Variants in TIAM1 observed in about 807,000 individuals in gnomAD.
The protein encoded by TIAM1 is TIAM Rac1 associated GEF 1, also known as rho guanine nucleotide exchange factor TIAM1.
A neutral mutation model predicts 163.5 loss-of-function variants in TIAM1; 65 were observed. That is an observed-to-expected ratio of 0.40 (90% CI 0.33 to 0.49). TIAM1 has a LOEUF of 0.49. Ranked by LOEUF, TIAM1 falls within the 20% of genes least tolerant of loss-of-function variation. The pLI is 0.77. For missense variants in TIAM1, 1,789 were observed against 2,044.7 expected, an observed-to-expected ratio of 0.87 and a Z score of 2.41; for synonymous variants, 833 against 810.1, an observed-to-expected ratio of 1.03 and a Z score of -0.48.
chr21:31,492,104 G>A (rs1013411758), intron 1 of TIAM1, among the ~76,000 whole-genome samples: 2 of 152,166 alleles, frequency 1.3e-5, no homozygotes, highest in East Asian at 1.9e-4. Flanking sequence ...GCATACGTAT[G>A]TGTATATGAA....
At chr21:31,537,652 T>A (rs1483895165) in intron 1 of TIAM1, among the ~76,000 whole-genome samples, 1 of 151,828 alleles carries the variant, frequency 6.6e-6, no homozygotes, top group Non-Finnish European at 1.5e-5. Flanking sequence ...CTTGAAAGGC[T>A]GAGACACAAG....
At chr21:31,394,750 ACACAC>A (rs2077032741) in intron 2 of TIAM1, among the ~76,000 whole-genome samples, 2 of 151,102 alleles carry the variant, frequency 1.3e-5, no homozygotes, top group African/African-American at 4.9e-5. Flanking sequence ...ACACACACAC[ACACAC>A]ACACACACAC....
rs187734868 is a variant in TIAM1 at position 31,193,461 on chromosome 21, G to A, written c.2575+1763C>T. 2.3e-3 allele frequency among the ~76,000 whole-genome samples: 352 copies of A among 152,284 alleles called. 1 individual carries two copies. The highest frequency in any genetic ancestry group is 4.3e-3 in the Non-Finnish European group (294 of 68,022). On this transcript the variant is annotated intron_variant, in intron 13 of 27. Transcript: ENST00000541036. ...CTCTCTAACCACCTTCCCTAGGAGA[G>A]AGCATTTCTCAGGTGTCCTCACAAC...
chr21:31,265,879 C>T, intron 4 of TIAM1, 131 bp downstream of exon 4: 2 of 1,280,876 alleles, frequency 1.6e-6, no homozygotes, highest in East Asian at 2.4e-5. Flanking sequence ...AAAACAGCAC[C>T]AGCTGCAGCA....
At chr21:31,537,849 G>A (rs1232315504) in intron 1 of TIAM1, among the ~76,000 whole-genome samples, 1 of 152,138 alleles carries the variant, frequency 6.6e-6, no homozygotes, top group Admixed American at 6.5e-5. Flanking sequence ...TGCTCTATGT[G>A]TACTTCATTA....
chr21:31,240,891 C>T (rs2071134887), intron 6 of TIAM1, among the ~76,000 whole-genome samples: 1 of 152,168 alleles, frequency 6.6e-6, no homozygotes, highest in African/African-American at 2.4e-5. Context: ...CCCACCTAAT[C>T]TCATCTTCAA....
chr21:31,295,198 C>T (rs115520952), intron 2 of TIAM1, among the ~76,000 whole-genome samples: 3,647 of 152,238 alleles, frequency 0.024, 133 homozygotes, highest in African/African-American at 0.076. Context: ...GGGCCAGGTG[C>T]GGTGGCTTAC....
intron 13 of TIAM1, among the ~76,000 whole-genome samples, chr21:31,189,739 C>T (rs2085465869): frequency 6.6e-6 from 1 of 151,980 alleles, no homozygotes; most frequent in South Asian, 2.1e-4. Flanking sequence ...TGAGCGGCTT[C>T]CATTTAAAGA....
chr21:31,136,334 T>A lies in TIAM1; in HGVS notation c.3775-293A>T, dbSNP rs118016962. ...CACCAAAATGACAGACTACATTTTT[T>A]AAAAATATTTTCGATTTGTGACTGT... On this transcript the variant is annotated intron_variant, in intron 22 of 27. Coordinates refer to ENST00000541036, the MANE Select transcript of TIAM1 (RefSeq NM_001353694.2). 7.7e-4 allele frequency among the ~76,000 whole-genome samples: 117 copies of A among 152,292 alleles called. No individual in the cohort carries two copies. The East Asian group carries it at 0.019, about 25-fold the overall frequency.
At chr21:31,174,311 T>G (rs727551) in intron 15 of TIAM1, among the ~76,000 whole-genome samples, 5,398 of 152,284 alleles carry the variant, frequency 0.035, 322 homozygotes, top group African/African-American at 0.12. Context: ...GCAATTCCTC[T>G]CTCTGAAGCA....
chr21:31,139,295 G>A (rs765217369), intron 22 of TIAM1, among the ~76,000 whole-genome samples: 5 of 152,062 alleles, frequency 3.3e-5, no homozygotes, highest in African/African-American at 4.8e-5. Context: ...GTAATATGAC[G>A]TAATGAAAAT....
intron 2 of TIAM1, among the ~76,000 whole-genome samples, chr21:31,320,571 A>C (rs1474078404): frequency 1.3e-5 from 2 of 152,230 alleles, no homozygotes; most frequent in Non-Finnish European, 2.9e-5. Context: ...GGCAGGAATG[A>C]GCCAGAAAAT....
intron 1 of TIAM1, among the ~76,000 whole-genome samples, chr21:31,477,474 AT>A (rs58353334): frequency 0.045 from 6,002 of 132,106 alleles, 360 homozygotes; most frequent in African/African-American, 0.15. Context: ...AACTAAATGC[AT>A]TTTTTTTTTT....
intron 2 of TIAM1, among the ~76,000 whole-genome samples, chr21:31,455,784 A>G (rs1389173103): frequency 6.6e-6 from 1 of 152,228 alleles, no homozygotes; most frequent in African/African-American, 2.4e-5. Flanking sequence ...AAAATTGAGG[A>G]ATCTTCTAGA....
At chr21:31,536,632 A>C (rs183058235) in intron 1 of TIAM1, among the ~76,000 whole-genome samples, 1 of 152,372 alleles carries the variant, frequency 6.6e-6, no homozygotes, top group African/African-American at 2.4e-5. Flanking sequence ...GTATCTGCTG[A>C]CGTGTGTCCC....
At chr21:31,374,132 GTAAGT>G (rs2076645992) in intron 2 of TIAM1, among the ~76,000 whole-genome samples, 1 of 152,004 alleles carries the variant, frequency 6.6e-6, no homozygotes, top group Non-Finnish European at 1.5e-5. Flanking sequence ...AAAATTCCAT[GTAAGT>G]TCCAGACCCA....
At chr21:31,132,655 C>CA (rs2082459637) in intron 23 of TIAM1, among the ~76,000 whole-genome samples, 1 of 152,160 alleles carries the variant, frequency 6.6e-6, no homozygotes. Flanking sequence ...TTGTGGATCA[C>CA]AGCAGGAGGG....
At chr21:31,348,500 T>A (rs188795992), upstream of TIAM1, among the ~76,000 whole-genome samples, 1 of 152,342 alleles carries the variant, frequency 6.6e-6, no homozygotes, top group East Asian at 1.9e-4. Context: ...CCAGCATAAC[T>A]GCAGTTCCAA....
intron 5 of TIAM1, among the ~76,000 whole-genome samples, chr21:31,250,028 C>T (rs2071705650): frequency 6.6e-6 from 1 of 151,782 alleles, no homozygotes; most frequent in Admixed American, 6.6e-5. Context: ...TGCCTGTAGT[C>T]CCAGCTACTT....
Sources: gnomAD v4.1 joint callset for allele counts (sites outside exome capture counted in the v4.1 genomes callset) on GRCh38, gnomAD v4.1.1 for gene constraint, MANE v1.5 for transcripts, NCBI Gene and HGNC (gene_info 2026-07-23, HGNC 2026-07-21) for gene names.